MATCAP1: variants seen among roughly 807,000 people sequenced by gnomAD.
MATCAP1 encodes the protein microtubule associated tyrosine carboxypeptidase 1.
chr16:67,182,095 C>A, the MATCAP1 span, among the ~76,000 whole-genome samples: 1 of 152,032 alleles, frequency 6.6e-6, no homozygotes, highest in Non-Finnish European at 1.5e-5. Flanking sequence ...TACTAAAATA[C>A]AAAATTAGCT....
the MATCAP1 span, among the ~76,000 whole-genome samples, chr16:67,180,861 G>A: frequency 6.6e-6 from 1 of 152,154 alleles, no homozygotes. Flanking sequence ...AAGCACTTTT[G>A]TTTTCGTTTT....
chr16:67,178,030 A>G, the MATCAP1 span: 2 of 1,614,198 alleles, frequency 1.2e-6, no homozygotes, highest in Non-Finnish European at 1.7e-6. Flanking sequence ...GAGGTCAGCA[A>G]CGGGAAATCG....
At chr16:67,178,419 C>A in the MATCAP1 span, 2 of 1,541,266 alleles carry the variant, frequency 1.3e-6, no homozygotes, top group South Asian at 2.4e-5. Flanking sequence ...CCGTGGGGTT[C>A]GCCGGCCGCA....
At chr16:67,179,218 A>C in the MATCAP1 span, 2 of 1,393,652 alleles carry the variant, frequency 1.4e-6, no homozygotes, top group Non-Finnish European at 1.9e-6. The surrounding 1 kb of genome is among the most constrained non-coding windows in gnomAD (Gnocchi z 5.2). Context: ...GGACCAAGAG[A>C]TGAGAGCGAG....
the MATCAP1 span, chr16:67,180,029 G>A: frequency 1.3e-5 from 21 of 1,613,078 alleles, no homozygotes; most frequent in Non-Finnish European, 1.7e-5. Flanking sequence ...ACGGTGGGGA[G>A]GCTGGACTGA....
the MATCAP1 span, chr16:67,178,619 T>A: frequency 1.1e-6 from 1 of 931,404 alleles, no homozygotes; most frequent in Non-Finnish European, 1.7e-6. Context: ...ACTTCCATCC[T>A]CATGCTCCTG....
At chr16:67,179,199 T>C in the MATCAP1 span, 3 of 1,356,320 alleles carry the variant, frequency 2.2e-6, no homozygotes, top group Non-Finnish European at 2.8e-6. The surrounding 1 kb of genome is among the most constrained non-coding windows in gnomAD (Gnocchi z 5.2). Flanking sequence ...GAGAAAAATA[T>C]ACCCGAAAGG....
At chr16:67,180,609 A>T in the MATCAP1 span, 1 of 1,512,158 alleles carries the variant, frequency 6.6e-7, no homozygotes, top group Admixed American at 2.3e-5. Flanking sequence ...GTCCAGCACC[A>T]TTCTGTCCTG....
At chr16:67,178,734 CT>C in the MATCAP1 span, 1 of 697,592 alleles carries the variant, frequency 1.4e-6, no homozygotes, top group East Asian at 2.7e-5. Context: ...CATGAATCCT[CT>C]CCCACCCATC....
the MATCAP1 span, chr16:67,176,599 C>T: frequency 2.3e-6 from 1 of 438,088 alleles, no homozygotes; most frequent in Non-Finnish European, 4.0e-6. The surrounding 1 kb of genome is among the most constrained non-coding windows in gnomAD (Gnocchi z 4.3). Context: ...CTCAGTTTGC[C>T]AGACATGCTG....
chr16:67,178,025 C>G, the MATCAP1 span: 2 of 1,614,170 alleles, frequency 1.2e-6, no homozygotes, highest in East Asian at 4.5e-5. Flanking sequence ...CCAGTGAGGT[C>G]AGCAACGGGA....
chr16:67,176,242 T>C, the MATCAP1 span: 1 of 152,670 alleles, frequency 6.6e-6, no homozygotes, highest in Non-Finnish European at 1.5e-5. The surrounding 1 kb of genome is among the most constrained non-coding windows in gnomAD (Gnocchi z 4.3). Context: ...ACCATATAAA[T>C]ATGGAATAAA....
At chr16:67,177,766 C>G in the MATCAP1 span, among the ~76,000 whole-genome samples, 6 of 152,354 alleles carry the variant, frequency 3.9e-5, no homozygotes, top group Admixed American at 3.3e-4. Flanking sequence ...TTCCTGATCA[C>G]TCCCTTGGCC....
At chr16:67,177,148 G>A in the MATCAP1 span, among the ~76,000 whole-genome samples, 1 of 152,048 alleles carries the variant, frequency 6.6e-6, no homozygotes. Context: ...CTTCATCTTT[G>A]CCCTTTCTCT....
chr16:67,179,803 A>C, the MATCAP1 span: 1 of 1,613,778 alleles, frequency 6.2e-7, no homozygotes, highest in Non-Finnish European at 8.5e-7. This position sits in a 1 kb window ranked among gnomAD's most constrained non-coding sequence, Gnocchi z 5.2. Flanking sequence ...AGGGCTCTGC[A>C]GGCAAGCTCA....
the MATCAP1 span, chr16:67,179,847 T>G: frequency 2.5e-6 from 4 of 1,614,226 alleles, no homozygotes; most frequent in Non-Finnish European, 3.4e-6. This position sits in a 1 kb window ranked among gnomAD's most constrained non-coding sequence, Gnocchi z 5.2. Context: ...TGCATGTATT[T>G]GCGCACAATC....
the MATCAP1 span, among the ~76,000 whole-genome samples, chr16:67,181,186 C>A: frequency 1.3e-5 from 2 of 152,200 alleles, no homozygotes; most frequent in Non-Finnish European, 2.9e-5. Flanking sequence ...GCTGCCTGGG[C>A]AGATTAGGTA....
At chr16:67,178,122 G>A in the MATCAP1 span, 259 of 1,607,382 alleles carry the variant, frequency 1.6e-4, no homozygotes, top group Non-Finnish European at 2.1e-4. Flanking sequence ...GAGGGCAGGA[G>A]GGCGGTGAGC....
At chr16:67,179,594 C>T in the MATCAP1 span, 1 of 1,597,974 alleles carries the variant, frequency 6.3e-7, no homozygotes, top group African/African-American at 1.3e-5. This position sits in a 1 kb window ranked among gnomAD's most constrained non-coding sequence, Gnocchi z 5.2. Context: ...GCCATGGCCA[C>T]CAGCCTGGGG....
Sources: gnomAD v4.1 joint callset for allele counts (sites outside exome capture counted in the v4.1 genomes callset) on GRCh38, gnomAD v4.1.1 for gene constraint, Gnocchi (gnomAD v3.1) non-coding constraint, MANE v1.5 for transcripts, NCBI Gene and HGNC (gene_info 2026-07-23, HGNC 2026-07-21) for gene names.